PAK5: variants seen among roughly 807,000 people sequenced by gnomAD.
The protein encoded by PAK5 is p21 (RAC1) activated kinase 5, also known as serine/threonine-protein kinase PAK 5.
PAK5 carries 16 observed loss-of-function variants against 65.9 expected under a neutral mutation model. The observed-to-expected ratio is 0.24, with a 90% CI of 0.16 to 0.37. The LOEUF (loss-of-function observed/expected upper bound fraction) is 0.37. Ranked by LOEUF, PAK5 falls within the 10% of genes least tolerant of loss-of-function variation. The probability of loss-of-function intolerance (pLI) is 1.00; values close to 1 mark genes in which losing one functional copy is unlikely to be tolerated. For synonymous variants in PAK5, 371 were observed against 354.9 expected (o/e 1.05, Z -0.51); for missense variants, 785 against 903.9 (o/e 0.87, Z 1.69).
intron 2 of PAK5, among the ~76,000 whole-genome samples, chr20:9,677,990 T>C (rs1475779746): frequency 6.6e-6 from 1 of 152,226 alleles, no homozygotes. Flanking sequence ...GAAATTATTC[T>C]GAGAAGGGAC....
Position 9,565,988 on chromosome 20 carries a change from C to T in PAK5, c.1387G>A (p.Val463Ile). 1 of 1,600,520 alleles carries T rather than the reference C, an allele frequency of 6.2e-7. No homozygotes were observed. The change falls in exon 5 of 10, where the codon GTA (valine) becomes ATA (isoleucine). Residue 463 changes from valine to isoleucine, a missense_variant. Physicochemically the swap from Val to Ile is conservative, Grantham distance 29 (BLOSUM62 3). This residue lies in a region of PAK5 where 182 missense variants were observed against 273.0 expected (regional missense o/e 0.67). Coordinates refer to ENST00000353224, the MANE Select transcript of PAK5 (RefSeq NM_177990.4). ...IKIGEGSTGI[V>I]CIATEKHTGK... is the part of the protein sequence containing the mutation. ...GTGTGTTTCTCGGTGGCGATGCATA[C>T]GATGCCGGTTGAGCCTTCCCCGATT...
intron 2 of PAK5, among the ~76,000 whole-genome samples, chr20:9,707,947 T>A (rs2123479254): frequency 6.6e-6 from 1 of 152,328 alleles, no homozygotes; most frequent in East Asian, 1.9e-4. Context: ...GCTTATTATA[T>A]TAAGTCACTG....
At chr20:9,718,148 C>A (rs1600282819) in intron 1 of PAK5, among the ~76,000 whole-genome samples, 1 of 151,620 alleles carries the variant, frequency 6.6e-6, no homozygotes. Context: ...GTTTTATATA[C>A]CATAGAATTT....
chr20:9,602,445 T>A (rs1165430117), intron 3 of PAK5, among the ~76,000 whole-genome samples: 2 of 152,166 alleles, frequency 1.3e-5, no homozygotes, highest in Non-Finnish European at 2.9e-5. Context: ...TGTATTCAGG[T>A]GGAGCACAGC....
intron 3 of PAK5, among the ~76,000 whole-genome samples, chr20:9,632,520 T>C (rs1331018090): frequency 6.6e-6 from 1 of 152,204 alleles, no homozygotes; most frequent in Admixed American, 6.5e-5. Flanking sequence ...CTCTGAGTAC[T>C]CTACAACTAA....
chr20:9,664,769 A>G (rs2047390727), intron 2 of PAK5, among the ~76,000 whole-genome samples: 1 of 152,164 alleles, frequency 6.6e-6, no homozygotes, highest in African/African-American at 2.4e-5. Context: ...CATGTTACAT[A>G]TTGTAGCCTC....
intron 7 of PAK5, among the ~76,000 whole-genome samples, chr20:9,551,109 T>C: frequency 6.6e-6 from 1 of 152,134 alleles, no homozygotes; most frequent in East Asian, 1.9e-4. Flanking sequence ...ATCATCCAAG[T>C]ACATAAAAGG....
At chr20:9,687,752 G>A (rs2047738545) in intron 2 of PAK5, among the ~76,000 whole-genome samples, 2 of 152,140 alleles carry the variant, frequency 1.3e-5, no homozygotes, top group African/African-American at 4.8e-5. Flanking sequence ...CCAGCACTGA[G>A]GACACACATA....
At chr20:9,629,054 C>T (rs1294070974) in intron 3 of PAK5, among the ~76,000 whole-genome samples, 1 of 152,090 alleles carries the variant, frequency 6.6e-6, no homozygotes, top group Admixed American at 6.6e-5. Context: ...GGCCTCAGTA[C>T]CCCATTCCCT....
intron 2 of PAK5, among the ~76,000 whole-genome samples, chr20:9,672,875 T>G (rs552193623): frequency 1.0e-3 from 156 of 152,312 alleles, no homozygotes; most frequent in African/African-American, 3.5e-3. Context: ...TGGTAATTCT[T>G]GAGCAGCAAT....
rs947880830 is a variant in PAK5, at chr20:9,580,983, T to C, written c.205-53A>G. On this transcript the variant is annotated intron_variant, in intron 3 of 9. Coordinates refer to ENST00000353224, the MANE Select transcript of PAK5 (RefSeq NM_177990.4). ...AAAGAAAATATTTCATGGATTTAAATTGATGGTGGCATCCCACCCCCACTC... is the reference window on the plus strand; with the variant it reads ...AAAGAAAATATTTCATGGATTTAAACTGATGGTGGCATCCCACCCCCACTC... 7.4e-6 allele frequency: 10 copies of C among 1,349,984 alleles called. No homozygotes were observed. In the Admixed American group the frequency reaches 1.6e-4, roughly 21 times the overall value. 83.6% of individuals were successfully genotyped at this position (1,349,984 alleles called of 1,614,324 possible).
chr20:9,598,773 G>C (rs2046313327), intron 3 of PAK5, among the ~76,000 whole-genome samples: 1 of 152,142 alleles, frequency 6.6e-6, no homozygotes, highest in South Asian at 2.1e-4. Context: ...AGAAGTGTCT[G>C]TTCATGTTCT....
chr20:9,634,186 T>C (rs1408265966), intron 3 of PAK5, among the ~76,000 whole-genome samples: 1 of 152,150 alleles, frequency 6.6e-6, no homozygotes, highest in Non-Finnish European at 1.5e-5. Flanking sequence ...TCTCCAGTTA[T>C]TCTCTGCTGG....
chr20:9,539,330 C>T lies in PAK5; in HGVS notation c.*132G>A, dbSNP rs376622577. 5.8e-4 allele frequency: 465 copies of T among 807,968 alleles called. 7 individuals carry two copies. Among genetic ancestry groups the T allele is most frequent in the South Asian group, 4.4e-3 (260 of 59,432 alleles). The allele number at this position is 807,968 out of a possible 1,614,324, so 50.0% of individuals were successfully genotyped here. ...GATGCCCTGGTCTGTTGAACCCTGC[C>T]GGTCATCACGCTGTCCCACCAATTG... On this transcript the variant is annotated 3_prime_UTR_variant, in exon 10 of 10. Transcript: ENST00000353224.
intron 1 of PAK5, among the ~76,000 whole-genome samples, chr20:9,737,761 A>G (rs1280252528): frequency 1.3e-5 from 2 of 152,236 alleles, no homozygotes; most frequent in Non-Finnish European, 2.9e-5. Context: ...AGGAAAATGT[A>G]AAATGAAAAC....
intron 1 of PAK5, among the ~76,000 whole-genome samples, chr20:9,767,643 G>T (rs1600348732): frequency 1.3e-5 from 2 of 152,240 alleles, no homozygotes; most frequent in East Asian, 3.9e-4. Flanking sequence ...TTTCTGTAGA[G>T]TACCTCTTGG....
chr20:9,618,482 C>T (rs1024680819), intron 3 of PAK5, among the ~76,000 whole-genome samples: 6 of 150,202 alleles, frequency 4.0e-5, no homozygotes, highest in Non-Finnish European at 7.4e-5. Flanking sequence ...TCTTGGCTCA[C>T]TGCAACCTCT....
chr20:9,685,463 A>G (rs2047706034), intron 2 of PAK5, among the ~76,000 whole-genome samples: 1 of 152,202 alleles, frequency 6.6e-6, no homozygotes, highest in African/African-American at 2.4e-5. Context: ...ATCATGAAGA[A>G]AGAGATCCAC....
chr20:9,667,417 G>A (rs928936792), intron 2 of PAK5, among the ~76,000 whole-genome samples: 1 of 101,242 alleles, frequency 9.9e-6, no homozygotes, highest in Non-Finnish European at 1.9e-5. Flanking sequence ...TGGAGCACTT[G>A]CTCTTGGAGT....
Sources: gnomAD v4.1 joint callset for allele counts (sites outside exome capture counted in the v4.1 genomes callset) on GRCh38, gnomAD v4.1.1 for gene constraint, gnomAD v4.1.1 regional missense constraint, MANE v1.5 for transcripts, NCBI Gene and HGNC (gene_info 2026-07-23, HGNC 2026-07-21) for gene names.